Variants in SLC39A11 observed in about 807,000 individuals in gnomAD.
The protein encoded by SLC39A11 is zinc transporter ZIP11.
In SLC39A11, 33 loss-of-function variants were observed where a neutral mutation model predicts 36.1. The ratio of observed to expected loss-of-function variants is 0.91; its 90% CI spans 0.69 to 1.22. SLC39A11 has a LOEUF of 1.22. Ranked by LOEUF, SLC39A11 falls within the 50% of genes most tolerant of loss-of-function variation. SLC39A11 has a pLI of 0.00. For missense variants in SLC39A11, 432 were observed against 430.3 expected (o/e 1.00, Z -0.03); for synonymous variants, 166 against 170.3 (o/e 0.97, Z 0.20).
intron 5 of SLC39A11, among the ~76,000 whole-genome samples, chr17:72,880,689 T>G (rs890685080): frequency 6.6e-6 from 1 of 151,722 alleles, no homozygotes; most frequent in African/African-American, 2.4e-5. Flanking sequence ...TGGCTTTTTT[T>G]TTTTCTTTTT....
Position 72,727,592 on chromosome 17 carries a change from C to T in SLC39A11, c.671+9058G>A, listed in dbSNP as rs189551868. 3.0e-3 allele frequency among the ~76,000 whole-genome samples: 428 copies of T among 141,424 alleles called. 3 individuals are homozygous for T. The highest frequency in any genetic ancestry group is 0.011 in the African/African-American group (407 of 38,094). 92.8% of individuals were successfully genotyped at this position (141,424 alleles called of 152,430 possible). A position where few individuals can be genotyped will look rare whatever the true frequency, so the allele number is the denominator to read the frequency against. On this transcript the variant is annotated intron_variant, in intron 7 of 9. Coordinates refer to ENST00000255559, the MANE Select transcript of SLC39A11 (RefSeq NM_139177.4). The stretch of plus-strand genomic sequence containing the variant: ...GTGTGAGCTCAGGAGGTGGAGGTTG[C>T]AGTGAGCTGAGATCGTGCCACTGCA...
Position 72,802,003 on chromosome 17 carries a change from C to T in SLC39A11, c.601+47631G>A, listed in dbSNP as rs889990130. Among the ~76,000 whole-genome samples the T allele has an allele frequency of 1.2e-4, 18 of 152,156 alleles. 1 individual carries two copies. The highest frequency in any genetic ancestry group is 1.0e-3 in the Admixed American group (16 of 15,276). On this transcript the variant is annotated intron_variant, in intron 6 of 9. Transcript: ENST00000255559. ...ATCTGTCAAACGAGAATAACAGTTCCGTAGAATCACTGTGAAGATGGCACA... is the reference window on the plus strand; with the variant it reads ...ATCTGTCAAACGAGAATAACAGTTCTGTAGAATCACTGTGAAGATGGCACA...
At chr17:72,918,386 G>A (rs1312332842) in intron 5 of SLC39A11, among the ~76,000 whole-genome samples, 2 of 152,134 alleles carry the variant, frequency 1.3e-5, no homozygotes, top group African/African-American at 4.8e-5. Flanking sequence ...TCCAGCCTGG[G>A]CGACAAGCGT....
At chr17:72,985,668 C>T (rs1234742368) in intron 4 of SLC39A11, among the ~76,000 whole-genome samples, 1 of 152,160 alleles carries the variant, frequency 6.6e-6, no homozygotes, top group East Asian at 1.9e-4. Flanking sequence ...CCACCTCAAA[C>T]TCCCAAAGTG....
At chr17:72,984,647 C>T (rs527459633) in intron 4 of SLC39A11, among the ~76,000 whole-genome samples, 5 of 152,320 alleles carry the variant, frequency 3.3e-5, no homozygotes, top group South Asian at 2.1e-4. Flanking sequence ...TTCCGCAAGA[C>T]CTCCAGGGGA....
At chr17:73,058,319 G>A (rs1348511055) in intron 3 of SLC39A11, among the ~76,000 whole-genome samples, 13 of 152,154 alleles carry the variant, frequency 8.5e-5, no homozygotes, top group South Asian at 2.1e-4. Flanking sequence ...GAAAACAGTC[G>A]GGGGATAAAG....
chr17:72,843,339 G>T (rs1170087029), intron 6 of SLC39A11, among the ~76,000 whole-genome samples: 2 of 152,174 alleles, frequency 1.3e-5, no homozygotes, highest in Non-Finnish European at 2.9e-5. Flanking sequence ...GTGTGTGGCT[G>T]TGGTCTCAAG....
chr17:73,060,620 CT>C (rs1285549317), intron 3 of SLC39A11, among the ~76,000 whole-genome samples: 10 of 152,110 alleles, frequency 6.6e-5, no homozygotes, highest in African/African-American at 2.4e-4. Context: ...CTGAGAAAGC[CT>C]CAAAGGATAC....
intron 6 of SLC39A11, among the ~76,000 whole-genome samples, chr17:72,754,012 GTATATATGTATATA>G (rs2075258678): frequency 1.9e-5 from 1 of 51,800 alleles, no homozygotes; most frequent in South Asian, 9.7e-4. Flanking sequence ...ACTGTGATAT[GTATATATGTATATA>G]TATATATATA....
chr17:73,051,872 A>G lies in SLC39A11; in HGVS notation c.148-20158T>C, dbSNP rs1319299528. ...GATTCCATCTCAAAAGCAAAAAGCAAAAAGTTTGTTGGTGCCAGAGGGAAT... is the reference window on the plus strand; with the variant it reads ...GATTCCATCTCAAAAGCAAAAAGCAGAAAGTTTGTTGGTGCCAGAGGGAAT... On this transcript the variant is annotated intron_variant, in intron 3 of 9. Coordinates refer to ENST00000255559, the MANE Select transcript of SLC39A11 (RefSeq NM_139177.4). Among the ~76,000 whole-genome samples, 9 of 148,152 alleles carry G rather than the reference A, an allele frequency of 6.1e-5. No homozygotes were observed. The East Asian group carries it at 1.4e-3, about 24-fold the overall frequency.
chr17:72,914,918 G>A (rs1470282888), intron 5 of SLC39A11, among the ~76,000 whole-genome samples: 1 of 137,498 alleles, frequency 7.3e-6, no homozygotes, highest in Admixed American at 7.3e-5. Context: ...TGTTTGCGGT[G>A]GTTTTTGGTT....
chr17:72,702,531 C>CAAATG (rs1377853968), intron 7 of SLC39A11, among the ~76,000 whole-genome samples: 1 of 152,112 alleles, frequency 6.6e-6, no homozygotes, highest in Non-Finnish European at 1.5e-5. Context: ...TCCACTCTAC[C>CAAATG]AAATGAGTCA....
At chr17:73,019,188 G>A (rs2148570530) in intron 4 of SLC39A11, among the ~76,000 whole-genome samples, 1 of 152,276 alleles carries the variant, frequency 6.6e-6, no homozygotes, top group African/African-American at 2.4e-5. Context: ...ATTAAAAGTA[G>A]TTCTCCAGAT....
At chr17:72,837,978 T>C (rs111718264) in intron 6 of SLC39A11, 415 of 1,229,972 alleles carry the variant, frequency 3.4e-4, no homozygotes, top group Admixed American at 4.6e-4. Context: ...TACAGGGTGA[T>C]GAGAGTATTC....
At chr17:72,943,136 G>A (rs2085219339) in intron 5 of SLC39A11, among the ~76,000 whole-genome samples, 1 of 152,180 alleles carries the variant, frequency 6.6e-6, no homozygotes, top group Non-Finnish European at 1.5e-5. Context: ...GGAAGAAGGG[G>A]ATCAAAGAGC....
chr17:73,007,677 G>A (rs548897391), intron 4 of SLC39A11, among the ~76,000 whole-genome samples: 1 of 152,270 alleles, frequency 6.6e-6, no homozygotes, highest in East Asian at 1.9e-4. Context: ...AAGCTAAGGA[G>A]GGAGGGAAGG....
In SLC39A11 at chr17:72,903,980, C is replaced by A. The variant is rs539812765; in HGVS notation, c.430+43772G>T. Among the ~76,000 whole-genome samples, 34 of 152,312 alleles carry A rather than the reference C, an allele frequency of 2.2e-4. No individual in the cohort carries two copies. The South Asian group carries it at 6.8e-3, about 31-fold the overall frequency. ...CTCTTAATAGTGCTGAAGACGGGAA[C>A]AGATGCTGGTCACTCACTCCACATG... On this transcript the variant is annotated intron_variant, in intron 5 of 9. Coordinates refer to ENST00000255559, the MANE Select transcript of SLC39A11 (RefSeq NM_139177.4).
At chr17:72,677,850 A>G (rs2071340159) in intron 7 of SLC39A11, among the ~76,000 whole-genome samples, 1 of 152,218 alleles carries the variant, frequency 6.6e-6, no homozygotes, top group African/African-American at 2.4e-5. Context: ...GTACATTTAC[A>G]CAATGCGGGA....
chr17:73,088,552 G>T, intron 2 of SLC39A11, 105 bp downstream of exon 2: 1 of 828,744 alleles, frequency 1.2e-6, no homozygotes, highest in Non-Finnish European at 2.0e-6. Context: ...TGGGGGTGTG[G>T]CCAGGGGCAC....
Sources: gnomAD v4.1 joint callset for allele counts (sites outside exome capture counted in the v4.1 genomes callset) on GRCh38, gnomAD v4.1.1 for gene constraint, MANE v1.5 for transcripts, NCBI Gene and HGNC (gene_info 2026-07-23, HGNC 2026-07-21) for gene names.